SFXN5: variants seen among roughly 807,000 people sequenced by gnomAD.
SFXN5 encodes the protein sideroflexin-5.
A neutral mutation model predicts 50.2 loss-of-function variants in SFXN5; 43 were observed. That is an observed-to-expected ratio of 0.86 (90% confidence interval 0.67 to 1.11). The LOEUF (loss-of-function observed/expected upper bound fraction) is 1.11, where lower values mean the gene tolerates loss of function less well. Ranked by LOEUF, SFXN5 falls within the 50% of genes least tolerant of loss-of-function variation. The pLI, the probability that SFXN5 is intolerant of heterozygous loss-of-function variation, is 0.00. For missense variants in SFXN5, 463 were observed against 454.1 expected (o/e 1.02, Z -0.18); for synonymous variants, 203 against 185.8 (o/e 1.09, Z -0.75).
intron 1 of SFXN5, among the ~76,000 whole-genome samples, chr2:73,062,308 A>C (rs1682868113): frequency 6.6e-6 from 1 of 152,098 alleles, no homozygotes; most frequent in Non-Finnish European, 1.5e-5. Context: ...AATGGCCTCA[A>C]GGCTTCTGGG....
chr2:73,063,847 G>A (rs902472447), intron 1 of SFXN5, among the ~76,000 whole-genome samples: 2 of 152,128 alleles, frequency 1.3e-5, no homozygotes, highest in East Asian at 1.9e-4. Context: ...TGGCAAGGAA[G>A]GTTATACTTT....
intron 5 of SFXN5, among the ~76,000 whole-genome samples, 153 bp from the exon 6 acceptor site, chr2:73,020,417 C>T (rs1437725023): frequency 2.0e-5 from 3 of 152,144 alleles, no homozygotes; most frequent in Admixed American, 6.5e-5. Flanking sequence ...CTCATAGACC[C>T]TTTCCCAGTT....
Position 73,071,673 on chromosome 2 carries a change from C to A in SFXN5, c.33G>T (p.Ala11=), listed in dbSNP as rs767541561. 19 of 1,612,220 alleles carry A rather than the reference C, an allele frequency of 1.2e-5. No individual in the cohort carries two copies. Among genetic ancestry groups the A allele is most frequent in the Non-Finnish European group, 1.6e-5 (19 of 1,179,672 alleles). The change falls in exon 1 of 14, where the codon GCG becomes GCT. Residue 11 remains alanine (A), a synonymous_variant. Coordinates refer to ENST00000272433, the MANE Select transcript of SFXN5 (RefSeq NM_144579.3). ...TCGAGGCGCTAGCGGCACTAGCCGC[C>A]GCCGCCGATGCTGTAGTCGCTGTAT... MADTATTASA[A]AASAASASSD...
chr2:73,029,337 C>T (rs1429277014), intron 3 of SFXN5, among the ~76,000 whole-genome samples: 2 of 152,114 alleles, frequency 1.3e-5, no homozygotes, highest in Non-Finnish European at 1.5e-5. Flanking sequence ...TAACACCAAG[C>T]GTTAAATGAC....
At chr2:73,056,384 A>T (rs1476293945) in intron 2 of SFXN5, among the ~76,000 whole-genome samples, 3 of 125,558 alleles carry the variant, frequency 2.4e-5, no homozygotes, top group Non-Finnish European at 5.7e-5. Context: ...CTCTGTCTCA[A>T]AAAAAAAAAA....
At chr2:73,004,786 G>A (rs149049076) in intron 6 of SFXN5, among the ~76,000 whole-genome samples, 2 of 152,338 alleles carry the variant, frequency 1.3e-5, no homozygotes, top group East Asian at 1.9e-4. Context: ...CCAAAAGCAC[G>A]AGGATGCCAG....
intron 10 of SFXN5, among the ~76,000 whole-genome samples, chr2:72,979,990 C>T (rs1206516928): frequency 1.3e-5 from 2 of 152,042 alleles, no homozygotes; most frequent in Non-Finnish European, 1.5e-5. Context: ...TTCATTAAAA[C>T]GAACAAACAA....
intron 9 of SFXN5, among the ~76,000 whole-genome samples, chr2:72,994,333 T>C (rs1476990909): frequency 6.6e-6 from 1 of 152,120 alleles, no homozygotes; most frequent in African/African-American, 2.4e-5. Context: ...CAGTAAGCAA[T>C]GGGAACTGGA....
chr2:73,008,714 G>C (rs1250832747), intron 6 of SFXN5, among the ~76,000 whole-genome samples: 1 of 152,216 alleles, frequency 6.6e-6, no homozygotes, highest in African/African-American at 2.4e-5. Flanking sequence ...ACGAACCGCA[G>C]AGCCTCAGGG....
At chr2:73,034,532 C>A (rs1265009016) in intron 3 of SFXN5, among the ~76,000 whole-genome samples, 1 of 152,174 alleles carries the variant, frequency 6.6e-6, no homozygotes, top group Non-Finnish European at 1.5e-5. Flanking sequence ...GAAATCCATC[C>A]TGCATGGGGG....
chr2:72,993,932 A>G (rs1672909204), intron 9 of SFXN5, among the ~76,000 whole-genome samples: 1 of 152,194 alleles, frequency 6.6e-6, no homozygotes. Flanking sequence ...AGGTGAGCAG[A>G]GGGTTGAACT....
At chr2:73,062,110 C>T (rs368144836) in intron 1 of SFXN5, among the ~76,000 whole-genome samples, 2 of 152,244 alleles carry the variant, frequency 1.3e-5, no homozygotes, top group African/African-American at 4.8e-5. Context: ...GAGTGAGAGC[C>T]TGTCTCCAAA....
chr2:73,029,463 G>GT (rs1678019046), intron 3 of SFXN5, among the ~76,000 whole-genome samples: 1 of 151,988 alleles, frequency 6.6e-6, no homozygotes, highest in Non-Finnish European at 1.5e-5. Context: ...ATCTTTCAAA[G>GT]TAACTTCATC....
intron 2 of SFXN5, among the ~76,000 whole-genome samples, chr2:73,041,429 C>T (rs1679612558): frequency 6.6e-6 from 1 of 152,272 alleles, no homozygotes; most frequent in South Asian, 2.1e-4. Flanking sequence ...CGGTGGCTCA[C>T]ACCTGTAATC....
chr2:73,065,399 G>C (rs759652141), intron 1 of SFXN5, among the ~76,000 whole-genome samples: 2 of 149,652 alleles, frequency 1.3e-5, no homozygotes, highest in Non-Finnish European at 3.0e-5. Context: ...ACTGCACCTG[G>C]ACAACAATTT....
chr2:72,989,465 T>C (rs1672311887), intron 9 of SFXN5, among the ~76,000 whole-genome samples: 1 of 152,132 alleles, frequency 6.6e-6, no homozygotes, highest in Non-Finnish European at 1.5e-5. Flanking sequence ...GAGCTTGGCA[T>C]ATAAGAGACC....
chr2:73,005,081 C>T (rs945535367), intron 6 of SFXN5, among the ~76,000 whole-genome samples: 2 of 152,064 alleles, frequency 1.3e-5, no homozygotes, highest in East Asian at 1.9e-4. Context: ...ACGATTCAGG[C>T]GTGGCCACGC....
chr2:73,059,238 A>G (rs1174189630), intron 1 of SFXN5: 1 of 985,676 alleles, frequency 1.0e-6, no homozygotes, highest in Non-Finnish European at 1.2e-6. Context: ...GAGCACAATG[A>G]AAGGAAACCA....
intron 12 of SFXN5, among the ~76,000 whole-genome samples, chr2:72,963,781 A>G (rs986283480): frequency 1.3e-5 from 2 of 152,106 alleles, no homozygotes; most frequent in African/African-American, 4.8e-5. Flanking sequence ...TGAGCCAGCT[A>G]GAGCCCTCCT....
Sources: gnomAD v4.1 joint callset for allele counts (sites outside exome capture counted in the v4.1 genomes callset) on GRCh38, gnomAD v4.1.1 for gene constraint, MANE v1.5 for transcripts, NCBI Gene and HGNC (gene_info 2026-07-23, HGNC 2026-07-21) for gene names.